Variants in RASIP1 observed in about 807,000 individuals in gnomAD.
The protein encoded by RASIP1 is ras-interacting protein 1.
In RASIP1, 20 loss-of-function variants were observed where a neutral mutation model predicts 85.3. The ratio of observed to expected loss-of-function variants is 0.23; its 90% CI spans 0.17 to 0.34. The LOEUF is 0.34. Among genes scored for constraint, RASIP1 ranks in the 10% least tolerant of loss-of-function variants. The probability of loss-of-function intolerance (pLI) is 1.00; values close to 1 mark genes in which losing one functional copy is unlikely to be tolerated. For synonymous variants in RASIP1, 617 were observed against 647.1 expected (o/e 0.95, Z 0.71); for missense variants, 1,170 against 1,390.9 (o/e 0.84, Z 2.53).
rs34800326 is a variant in RASIP1 at position 48,720,863 on chromosome 19, C to T, written c.2827G>A (p.Asp943Asn). The change falls in exon 12 of 12, where the codon GAT becomes AAT. Residue 943 changes from aspartate to asparagine, a missense_variant. By Grantham distance (23) the Asp-to-Asn change is conservative (BLOSUM62 1). Around this residue, in one of 4 missense-constraint regions of RASIP1, gnomAD observed 144 missense variants for 125.5 expected, o/e 1.15. Transcript: ENST00000222145. ...ELRRLRRLLW[D>N]LEQQELPANY... ...GCTGGCAGCTCCTGCTGCTCAAGAT[C>T]CCAGAGGAGGCGGCGGAGCCTACGG... 2,837 of 1,614,048 alleles carry T rather than the reference C, an allele frequency of 1.8e-3. 2 individuals carry two copies. Among genetic ancestry groups the T allele is most frequent in the Non-Finnish European group, 2.3e-3 (2,723 of 1,180,008 alleles).
intron 4 of RASIP1, among the ~76,000 whole-genome samples, chr19:48,730,181 C>T (rs281409): frequency 0.92 from 137,589 of 149,770 alleles, 63,315 homozygotes; most frequent in Middle Eastern, 0.97. Context: ...CCCTTTTTTT[C>T]TTTGAGACAG....
chr19:48,727,517 C>T, intron 5 of RASIP1, 87 bp from the exon 6 acceptor site: 3 of 1,397,312 alleles, frequency 2.1e-6, no homozygotes, highest in Non-Finnish European at 3.0e-6. Context: ...AGAAGCACAA[C>T]TCTCATAGAG....
At chr19:48,737,142 A>T (rs774036875) in intron 3 of RASIP1, among the ~76,000 whole-genome samples, 3 of 152,188 alleles carry the variant, frequency 2.0e-5, no homozygotes, top group Non-Finnish European at 4.4e-5. Flanking sequence ...AATGCTTATA[A>T]TCGTCATTCT....
Position 48,739,208 on chromosome 19 carries a change from C to T in RASIP1, c.575G>A (p.Gly192Asp). The change falls in exon 3 of 12, where the codon GGC becomes GAC. Residue 192 changes from glycine (G) to aspartate (D), a missense_variant. Coordinates refer to ENST00000222145, the MANE Select transcript of RASIP1 (RefSeq NM_017805.3). This position sits in a 1 kb window ranked among gnomAD's most constrained non-coding sequence, Gnocchi z 9.2. ...GTCCACGCAGCTGCTCTCGCCGGGGCCACCGCCGGGGCTGCCTGCTAGGCC... is the reference window on the plus strand; with the variant it reads ...GTCCACGCAGCTGCTCTCGCCGGGGTCACCGCCGGGGCTGCCTGCTAGGCC... The part of the protein sequence containing the change: ...RYGLAGSPGG[G>D]PGESSCVDAF... The T allele has an allele frequency of 6.8e-7, 1 of 1,479,886 alleles. No homozygotes were observed. Among genetic ancestry groups the T allele is most frequent in the South Asian group, 1.3e-5 (1 of 78,656 alleles). The allele number at this position is 1,479,886 out of a possible 1,614,324, so 91.7% of individuals were successfully genotyped here.
chr19:48,728,548 G>A (rs2033383010), intron 5 of RASIP1, among the ~76,000 whole-genome samples: 1 of 152,082 alleles, frequency 6.6e-6, no homozygotes, highest in African/African-American at 2.4e-5. Flanking sequence ...GGCGAACCAC[G>A]AGGTCAGGAG....
At chr19:48,721,818 C>A in intron 11 of RASIP1, 36 bp downstream of exon 11, 1 of 1,561,186 alleles carries the variant, frequency 6.4e-7, no homozygotes, top group Non-Finnish European at 8.7e-7. Context: ...AAGAAGAAAG[C>A]TGACAGCCCC....
intron 3 of RASIP1, among the ~76,000 whole-genome samples, chr19:48,735,869 C>T (rs1481238689): frequency 6.6e-6 from 1 of 151,694 alleles, no homozygotes; most frequent in East Asian, 2.0e-4. Flanking sequence ...GATCTCGGCT[C>T]ACTGCAACCT....
Position 48,739,674 on chromosome 19 carries a change from G to A in RASIP1, c.138-29C>T, listed in dbSNP as rs1477682558. The A allele has an allele frequency of 1.5e-6, 2 of 1,377,196 alleles. No homozygotes were observed. Among genetic ancestry groups the A allele is most frequent in the East Asian group, 3.0e-5 (1 of 32,850 alleles). The allele number at this position is 1,377,196 out of a possible 1,614,324, so 85.3% of individuals were successfully genotyped here. On this transcript the variant is annotated intron_variant, in intron 2 of 11. Coordinates refer to ENST00000222145, the MANE Select transcript of RASIP1 (RefSeq NM_017805.3). The surrounding 1 kb of genome is among the most constrained non-coding windows in gnomAD (Gnocchi z 9.2). Reference sequence around the variant, plus strand: ...GGAGTCCGCCGGGGAACAGAGTCGCGGGAGAGAGACCCAGGACGACACGCC... The same window carrying A: ...GGAGTCCGCCGGGGAACAGAGTCGCAGGAGAGAGACCCAGGACGACACGCC...
chr19:48,729,430 G>A lies in RASIP1; in HGVS notation c.1340C>T (p.Pro447Leu), dbSNP rs1190606303. 1.2e-5 allele frequency: 18 copies of A among 1,560,822 alleles called. No homozygotes were observed. The highest frequency in any genetic ancestry group is 1.7e-4 in the Middle Eastern group (1 of 6,024). The part of the protein sequence containing the change: ...HCTVRAGPEH[P>L]AMVRPSRGAP... ...GCCCCGGGACGGGCGCACCATGGCC[G>A]GGTGCTCAGGGCCCGCGCGCACTGT... Residue 447 changes from proline (P) to leucine (L), a missense_variant, in exon 5 of 12, where the codon CCG becomes CTG. Around this residue, in one of 4 missense-constraint regions of RASIP1, gnomAD observed 301 missense variants for 294.8 expected, o/e 1.02. Transcript: ENST00000222145.
intron 4 of RASIP1, among the ~76,000 whole-genome samples, chr19:48,734,931 A>G (rs2033541856): frequency 6.6e-6 from 1 of 152,150 alleles, no homozygotes; most frequent in Admixed American, 6.5e-5. Flanking sequence ...TCTTTCTACA[A>G]TGGAATCTCC....
Position 48,738,954 on chromosome 19 carries a change from G to T in RASIP1, c.823+6C>A, listed in dbSNP as rs1213271716. The T allele has an allele frequency of 2.0e-6, 2 of 1,013,154 alleles. No homozygotes were observed. The highest frequency in any genetic ancestry group is 7.7e-5 in the East Asian group (1 of 12,920). The allele number at this position is 1,013,154 out of a possible 1,614,324, so 62.8% of individuals were successfully genotyped here. On this transcript the variant is annotated splice_donor_region_variant and intron_variant, in intron 3 of 11. Coordinates refer to ENST00000222145, the MANE Select transcript of RASIP1 (RefSeq NM_017805.3). This position sits in a 1 kb window ranked among gnomAD's most constrained non-coding sequence, Gnocchi z 4.0. ...TCCCCGCCCCAGAGCCCCGCCCGCC[G>T]CTCACCTTCGCTGTCCGCGGCCCCG...
At position 48,740,516 on chromosome 19, in the gene RASIP1, C is replaced by T; in HGVS notation, c.-5+5G>A. ...GGTTTGGGCTGCTGGGTCCCTGGCT[C>T]TTACCCTGCTTCGGGTCCGGCACAC... On this transcript the variant is annotated splice_donor_5th_base_variant and intron_variant, in intron 1 of 11. Transcript: ENST00000222145. The surrounding 1 kb of genome is among the most constrained non-coding windows in gnomAD (Gnocchi z 5.5). 1 of 1,396,148 alleles carries T rather than the reference C, an allele frequency of 7.2e-7. No individual in the cohort carries two copies. The highest frequency in any genetic ancestry group is 9.2e-7 in the Non-Finnish European group (1 of 1,083,012). The allele number at this position is 1,396,148 out of a possible 1,614,324, so 86.5% of individuals were successfully genotyped here. A position where few individuals can be genotyped will look rare whatever the true frequency, so the allele number is the denominator to read the frequency against.
At position 48,739,001 on chromosome 19, in the gene RASIP1, C is replaced by A. The variant is rs1266998013; in HGVS notation, c.782G>T (p.Arg261Leu). The change falls in exon 3 of 12, where the codon CGG becomes CTG. Residue 261 changes from arginine to leucine, a missense_variant. Physicochemically the swap from Arg to Leu is moderately radical, Grantham distance 102. Around this residue, in one of 4 missense-constraint regions of RASIP1, gnomAD observed 301 missense variants for 294.8 expected, o/e 1.02. Transcript: ENST00000222145. The surrounding 1 kb of genome is among the most constrained non-coding windows in gnomAD (Gnocchi z 9.2). ...CCCGAAGGCCTCCTGCTCCAGGCGC[C>A]GCGCCTCCTCGCGGCCGCGCAACTC... ...RFELRGREEA[R>L]RLEQEAFGAA... 2 of 1,244,322 alleles carry A rather than the reference C, an allele frequency of 1.6e-6. No individual in the cohort carries two copies. The highest frequency in any genetic ancestry group is 3.3e-5 in the East Asian group (1 of 30,120). 77.1% of individuals were successfully genotyped at this position (1,244,322 alleles called of 1,614,324 possible).
chr19:48,727,682 CTTT>C (rs778318979), intron 5 of RASIP1, among the ~76,000 whole-genome samples: 3 of 121,780 alleles, frequency 2.5e-5, no homozygotes, highest in Non-Finnish European at 1.8e-5. Context: ...CATACGGATT[CTTT>C]TTTTTTTTTT....
chr19:48,724,547 T>G lies in RASIP1; in HGVS notation c.2372-38A>C. ...AAGGTATGAGAGGCAGTTGGTTGGC[T>G]GGACTCTGTGCTCCTGCCTCCCAGA... is the stretch of plus-strand genomic sequence containing the variant. On this transcript the variant is annotated intron_variant, in intron 9 of 11. Transcript: ENST00000222145. This position sits in a 1 kb window ranked among gnomAD's most constrained non-coding sequence, Gnocchi z 4.6. 6.3e-7 allele frequency: 1 copy of G among 1,598,032 alleles called. No homozygotes were observed. Among genetic ancestry groups the G allele is most frequent in the Non-Finnish European group, 8.6e-7 (1 of 1,168,462 alleles).
intron 8 of RASIP1, 132 bp downstream of exon 8, chr19:48,726,653 G>T: frequency 1.4e-6 from 1 of 725,436 alleles, no homozygotes; most frequent in Non-Finnish European, 2.2e-6. Flanking sequence ...AGAAAATCTT[G>T]AGTCAAATAG....
chr19:48,720,651 C>T lies in RASIP1; in HGVS notation c.*147G>A. The T allele has an allele frequency of 1.2e-6, 1 of 849,186 alleles. No homozygotes were observed. Among genetic ancestry groups the T allele is most frequent in the East Asian group, 2.4e-5 (1 of 41,108 alleles). 52.6% of individuals were successfully genotyped at this position (849,186 alleles called of 1,614,324 possible). ...ATCCTAAGCCCATGCTCCCACCGTC[C>T]CATCCGCTACTTCCCGAAAACTCAA... On this transcript the variant is annotated 3_prime_UTR_variant, in exon 12 of 12. Coordinates refer to ENST00000222145, the MANE Select transcript of RASIP1 (RefSeq NM_017805.3).
In RASIP1 at chr19:48,722,617, T is replaced by G. The variant is rs373614433; in HGVS notation, c.2545-616A>C. Among the ~76,000 whole-genome samples, 3 of 152,142 alleles carry G rather than the reference T, an allele frequency of 2.0e-5. No individual in the cohort carries two copies. The South Asian group carries it at 6.2e-4, about 32-fold the overall frequency. ...GGATTCATTATTCTATGGCGGCCAC[T>G]CTATATCTGTTTGACAATGTCTACA... On this transcript the variant is annotated intron_variant, in intron 10 of 11. Transcript: ENST00000222145.
chr19:48,733,991 T>A (rs1386736677), intron 4 of RASIP1, among the ~76,000 whole-genome samples: 1 of 151,870 alleles, frequency 6.6e-6, no homozygotes, highest in Non-Finnish European at 1.5e-5. Flanking sequence ...TTTTAAAAAA[T>A]TTTTCATTAA....
Sources: gnomAD v4.1 joint callset for allele counts (sites outside exome capture counted in the v4.1 genomes callset) on GRCh38, gnomAD v4.1.1 for gene constraint, gnomAD v4.1.1 regional missense constraint, Gnocchi (gnomAD v3.1) non-coding constraint, MANE v1.5 for transcripts, NCBI Gene and HGNC (gene_info 2026-07-23, HGNC 2026-07-21) for gene names.